DMRT1: variants seen among roughly 807,000 people sequenced by gnomAD.
DMRT1 encodes doublesex and mab-3 related transcription factor 1, also known as doublesex- and mab-3-related transcription factor 1.
A neutral mutation model predicts 32.3 loss-of-function variants in DMRT1; 7 were observed. The observed-to-expected ratio is 0.22, with a 90% CI of 0.12 to 0.41. The LOEUF is 0.41. DMRT1 is among the 10% of genes least tolerant of loss of function. The pLI, the probability that DMRT1 is intolerant of heterozygous loss-of-function variation, is 1.00. For synonymous variants in DMRT1, 278 were observed against 206.1 expected (o/e 1.35, Z -2.99); for missense variants, 625 against 500.5 (o/e 1.25, Z -2.37).
In DMRT1 at chr9:868,188, A is replaced by G. The variant is rs529432759; in HGVS notation, c.538+21045A>G. ...GAGATGGGGTTTTACCATGTTGCCC[A>G]GGGTGGTCTCAAACTCCTAAGCTCA... On this transcript the variant is annotated intron_variant, in intron 2 of 4. Coordinates refer to ENST00000382276, the MANE Select transcript of DMRT1 (RefSeq NM_021951.3). Among the ~76,000 whole-genome samples the G allele has an allele frequency of 1.6e-3, 247 of 152,312 alleles. 2 individuals are homozygous for G. The highest frequency in any genetic ancestry group is 5.8e-3 in the African/African-American group (240 of 41,562).
chr9:950,997 A>G (rs1819409749), intron 4 of DMRT1, among the ~76,000 whole-genome samples: 1 of 152,216 alleles, frequency 6.6e-6, no homozygotes, highest in Non-Finnish European at 1.5e-5. Flanking sequence ...ACTACCAGGC[A>G]TATTAGTTAG....
chr9:904,227 G>A (rs532759906), intron 3 of DMRT1, among the ~76,000 whole-genome samples: 27 of 152,300 alleles, frequency 1.8e-4, no homozygotes, highest in African/African-American at 6.3e-4. Flanking sequence ...GGTTTGGCTG[G>A]TGGCCAAAAT....
intron 2 of DMRT1, among the ~76,000 whole-genome samples, chr9:893,127 G>A (rs1310111607): frequency 6.6e-6 from 1 of 152,196 alleles, no homozygotes; most frequent in African/African-American, 2.4e-5. Context: ...TAGACTCCCT[G>A]TGGGCACGGC....
At chr9:878,495 G>A (rs988751518) in intron 2 of DMRT1, among the ~76,000 whole-genome samples, 14 of 152,054 alleles carry the variant, frequency 9.2e-5, no homozygotes, top group African/African-American at 3.4e-4. Flanking sequence ...CATTGTTCCC[G>A]CATTTCCTGA....
chr9:864,196 T>A (rs1444750471), intron 2 of DMRT1, among the ~76,000 whole-genome samples: 1 of 124,554 alleles, frequency 8.0e-6, no homozygotes, highest in Non-Finnish European at 1.6e-5. Context: ...TTTAACTTCT[T>A]CTTCTTCTTT....
chr9:868,767 T>C (rs994516863), intron 2 of DMRT1, among the ~76,000 whole-genome samples: 7 of 152,190 alleles, frequency 4.6e-5, no homozygotes, highest in Admixed American at 4.6e-4. Context: ...CCCAGCACTT[T>C]GGAAGGCCAA....
At chr9:870,291 C>T (rs192970083) in intron 2 of DMRT1, among the ~76,000 whole-genome samples, 215 of 152,172 alleles carry the variant, frequency 1.4e-3, no homozygotes, top group Non-Finnish European at 2.0e-3. Context: ...CCCAGCTACT[C>T]GGGAGGCTGA....
At chr9:853,976 T>A (rs1285300072) in intron 2 of DMRT1, among the ~76,000 whole-genome samples, 1 of 150,834 alleles carries the variant, frequency 6.6e-6, no homozygotes, top group Non-Finnish European at 1.5e-5. Flanking sequence ...TTAAAATTTT[T>A]CTTTCTGTGG....
chr9:841,970 C>A lies in DMRT1; in HGVS notation c.132C>A (p.Gly44=), dbSNP rs919958313. 6.3e-7 allele frequency: 1 copy of A among 1,586,204 alleles called. No individual in the cohort carries two copies. Residue 44 remains glycine (G), a synonymous_variant, in exon 1 of 5, where the codon GGC becomes GGA. Transcript: ENST00000382276. ...GGGCGCTAGTGGGGGCGGCCAGCGG[C>A]TCGAGCGCCGGGGGCAGCAGCAGAG... ...ASGALVGAAS[G]SSAGGSSRGG... is the part of the protein sequence containing the mutation.
chr9:958,426 G>A (rs1229931605), intron 4 of DMRT1, among the ~76,000 whole-genome samples: 1 of 152,188 alleles, frequency 6.6e-6, no homozygotes, highest in Non-Finnish European at 1.5e-5. Flanking sequence ...GAGTGCAATG[G>A]CGTGATCTCA....
rs111400705 is a variant in DMRT1, at chr9:903,799, A to C, written c.822+9604A>C. Among the ~76,000 whole-genome samples the C allele has an allele frequency of 4.1e-3, 630 of 152,318 alleles. 3 individuals are homozygous for C. Among genetic ancestry groups the C allele is most frequent in the South Asian group, 0.011 (52 of 4,824 alleles). On this transcript the variant is annotated intron_variant, in intron 3 of 4. Transcript: ENST00000382276. ...AGAACAGACAGCTCTGACTCAGAGA[A>C]TATCTAGAAGGAGTGCAGACCTGGG... is the stretch of plus-strand genomic sequence containing the variant.
At chr9:864,659 T>C (rs937273137) in intron 2 of DMRT1, among the ~76,000 whole-genome samples, 7 of 151,834 alleles carry the variant, frequency 4.6e-5, no homozygotes, top group Admixed American at 1.3e-4. Context: ...CCACCACGCC[T>C]GGCTAATTTT....
rs1285953681 is a variant in DMRT1, at chr9:923,256, A to G, written c.967+6349A>G. On this transcript the variant is annotated intron_variant, in intron 4 of 4. Coordinates refer to ENST00000382276, the MANE Select transcript of DMRT1 (RefSeq NM_021951.3). ...CTCTGTTGGGAGCACCCTGAGATCT[A>G]CTTGCTCTTGATCCAGAACGCCAAA... 3.3e-5 allele frequency among the ~76,000 whole-genome samples: 5 copies of G among 152,300 alleles called. No individual in the cohort carries two copies. The East Asian group carries it at 9.7e-4, about 29-fold the overall frequency.
chr9:875,179 C>T (rs1816444337), intron 2 of DMRT1, among the ~76,000 whole-genome samples: 4 of 152,136 alleles, frequency 2.6e-5, no homozygotes, highest in South Asian at 2.1e-4. Context: ...GCCCTTCCCT[C>T]ATTGTAAATT....
intron 2 of DMRT1, among the ~76,000 whole-genome samples, chr9:861,867 T>G: frequency 7.0e-6 from 1 of 142,810 alleles, no homozygotes; most frequent in Non-Finnish European, 1.5e-5. Flanking sequence ...CCAGACGGGG[T>G]CGCGGCCGGG....
chr9:958,217 AATT>A (rs1819660752), intron 4 of DMRT1, among the ~76,000 whole-genome samples: 1 of 152,164 alleles, frequency 6.6e-6, no homozygotes, highest in Non-Finnish European at 1.5e-5. Context: ...AAGAGAAAAT[AATT>A]TGCTGTATGC....
At position 919,026 on chromosome 9, in the gene DMRT1, G is replaced by A. The variant is rs543552241; in HGVS notation, c.967+2119G>A. Among the ~76,000 whole-genome samples the A allele has an allele frequency of 9.9e-5, 15 of 152,264 alleles. No individual in the cohort carries two copies. The South Asian group carries it at 2.9e-3, about 29-fold the overall frequency. On this transcript the variant is annotated intron_variant, in intron 4 of 4. Coordinates refer to ENST00000382276, the MANE Select transcript of DMRT1 (RefSeq NM_021951.3). Reference sequence around the variant, plus strand: ...AGCATGTTAGCCCTTCTGGGAGGTGGGGCTGAGGCTAGAGACAGGAAATGA... The same window carrying A: ...AGCATGTTAGCCCTTCTGGGAGGTGAGGCTGAGGCTAGAGACAGGAAATGA...
At chr9:954,702 T>TA (rs1819539738) in intron 4 of DMRT1, among the ~76,000 whole-genome samples, 1 of 152,104 alleles carries the variant, frequency 6.6e-6, no homozygotes, top group Non-Finnish European at 1.5e-5. Context: ...AGTGCAGTAG[T>TA]ACGATCCCGG....
intron 4 of DMRT1, among the ~76,000 whole-genome samples, chr9:917,232 T>A (rs1818213521): frequency 6.6e-6 from 1 of 152,198 alleles, no homozygotes; most frequent in African/African-American, 2.4e-5. Context: ...CAAGACCTGG[T>A]ATTTTTTGTG....
Sources: allele counts gnomAD v4.1 joint callset (sites outside exome capture counted in the v4.1 genomes callset), GRCh38; gene constraint gnomAD v4.1.1; transcripts MANE v1.5; gene names NCBI Gene and HGNC (gene_info 2026-07-23, HGNC 2026-07-21).